KCNQ1OT1: variants seen among roughly 807,000 people sequenced by gnomAD.
KCNQ1OT1 encodes the protein KCNQ1 opposite strand/antisense transcript 1.
At chr11:2,686,431 C>T (rs1272971398) in exon 1 of KCNQ1OT1, 1 of 398,538 alleles carries the variant, frequency 2.5e-6, no homozygotes, top group African/African-American at 2.1e-5. Flanking sequence ...TGCCCAGAGC[C>T]CCTCCACTGC....
exon 1 of KCNQ1OT1, chr11:2,694,943 C>T: frequency 2.5e-6 from 1 of 398,654 alleles, no homozygotes; most frequent in Non-Finnish European, 4.4e-6. Flanking sequence ...GGCCTTGGGG[C>T]AGGAGGGATA....
At position 2,673,571 on chromosome 11, in the gene KCNQ1OT1, G is replaced by A; in HGVS notation, n.26424C>T. 2.5e-6 allele frequency: 1 copy of A among 398,750 alleles called. No individual in the cohort carries two copies. Among genetic ancestry groups the A allele is most frequent in the Non-Finnish European group, 4.4e-6 (1 of 226,146 alleles). The allele number at this position is 398,750 out of a possible 1,614,324, so 24.7% of individuals were successfully genotyped here. On this transcript the variant is annotated non_coding_transcript_exon_variant, in exon 1 of 1. Transcript: ENST00000597346. The surrounding 1 kb of genome is among the most constrained non-coding windows in gnomAD (Gnocchi z 4.5). ...CCCCTCCCTGGCCATGCAGGTGGAA[G>A]ACCCTATTACTTGGGCTAAAGAGAA...
exon 1 of KCNQ1OT1, chr11:2,660,668 C>T: frequency 2.5e-6 from 1 of 398,622 alleles, no homozygotes; most frequent in African/African-American, 2.1e-5. Flanking sequence ...CAGTTTTCAT[C>T]CATGCTTGAT....
At chr11:2,694,441 A>G (rs1171559530) in exon 1 of KCNQ1OT1, 2 of 398,540 alleles carry the variant, frequency 5.0e-6, no homozygotes, top group African/African-American at 4.1e-5. Context: ...AACATCTTAC[A>G]ATATAAATGA....
chr11:2,625,477 G>T, exon 1 of KCNQ1OT1: 1 of 398,250 alleles, frequency 2.5e-6, no homozygotes, highest in South Asian at 1.3e-4. Context: ...TTGTGGTTTT[G>T]ACTTGTATTT....
Position 2,665,113 on chromosome 11 carries a change from C to T in KCNQ1OT1, n.34882G>A, listed in dbSNP as rs961391673. ...GGAGATAAAGAGTGGCGTCGCTGCA[C>T]CCCAGCCTATAGGTGGGCCCTACTG... On this transcript the variant is annotated non_coding_transcript_exon_variant, in exon 1 of 1. Transcript: ENST00000597346. The T allele has an allele frequency of 4.0e-5, 16 of 398,422 alleles. No homozygotes were observed. Among genetic ancestry groups the T allele is most frequent in the Admixed American group, 4.0e-4 (9 of 22,710 alleles). 24.7% of individuals were successfully genotyped at this position (398,422 alleles called of 1,614,324 possible). A position where few individuals can be genotyped will look rare whatever the true frequency, so the allele number is the denominator to read the frequency against.
exon 1 of KCNQ1OT1, chr11:2,630,535 T>C (rs1415311676): frequency 7.5e-6 from 3 of 398,220 alleles, no homozygotes; most frequent in African/African-American, 2.1e-5. Flanking sequence ...TAATATTGCA[T>C]ATCCATTGAG....
Position 2,608,915 on chromosome 11 carries a change from C to A in KCNQ1OT1, n.91080G>T. On this transcript the variant is annotated non_coding_transcript_exon_variant, in exon 1 of 1. Coordinates refer to ENST00000597346, the Ensembl canonical transcript of KCNQ1OT1. This position sits in a 1 kb window ranked among gnomAD's most constrained non-coding sequence, Gnocchi z 4.6. The stretch of plus-strand genomic sequence containing the variant: ...TTCCTCCTCCCCCTCTTTCTTCCTC[C>A]CCTTCTTTTCTTCTCCCTCTCCCTC... 3 of 398,418 alleles carry A rather than the reference C, an allele frequency of 7.5e-6. No individual in the cohort carries two copies. The highest frequency in any genetic ancestry group is 1.3e-5 in the Non-Finnish European group (3 of 226,026). The allele number at this position is 398,418 out of a possible 1,614,324, so 24.7% of individuals were successfully genotyped here. A position where few individuals can be genotyped will look rare whatever the true frequency, so the allele number is the denominator to read the frequency against.
At chr11:2,616,802 A>C (rs1849072861) in exon 1 of KCNQ1OT1, 2 of 398,166 alleles carry the variant, frequency 5.0e-6, no homozygotes, top group Non-Finnish European at 4.4e-6. Context: ...TTTGTGGCCT[A>C]ACATATCATC....
At position 2,691,643 on chromosome 11, in the gene KCNQ1OT1, C is replaced by T. The variant is rs184619045; in HGVS notation, n.8352G>A. On this transcript the variant is annotated non_coding_transcript_exon_variant, in exon 1 of 1. Transcript: ENST00000597346. The surrounding 1 kb of genome is among the most constrained non-coding windows in gnomAD (Gnocchi z 6.4). ...CGTACTGTGGGGAGGTCCTCTTTAC[C>T]GCCACAGTTCCAAGGGTGAAACAGA... 872 of 398,524 alleles carry T rather than the reference C, an allele frequency of 2.2e-3. 4 individuals carry two copies. Among genetic ancestry groups the T allele is most frequent in the African/African-American group, 0.015 (747 of 48,712 alleles). 24.7% of individuals were successfully genotyped at this position (398,524 alleles called of 1,614,324 possible).
rs1412894810 is a variant in KCNQ1OT1, at chr11:2,687,901, T to C, written n.12094A>G. 4 of 398,536 alleles carry C rather than the reference T, an allele frequency of 1.0e-5. No individual in the cohort carries two copies. Among genetic ancestry groups the C allele is most frequent in the Non-Finnish European group, 1.8e-5 (4 of 226,102 alleles). 24.7% of individuals were successfully genotyped at this position (398,536 alleles called of 1,614,324 possible). ...GTGTCCCGCGGAAATCCTGGTGGGATGGAAAATCCCCAGCAGTTGTGAGGC... is the reference window on the plus strand; with the variant it reads ...GTGTCCCGCGGAAATCCTGGTGGGACGGAAAATCCCCAGCAGTTGTGAGGC... On this transcript the variant is annotated non_coding_transcript_exon_variant, in exon 1 of 1. Transcript: ENST00000597346. This position sits in a 1 kb window ranked among gnomAD's most constrained non-coding sequence, Gnocchi z 5.0.
chr11:2,681,768 G>A (rs1850402470), exon 1 of KCNQ1OT1: 2 of 398,442 alleles, frequency 5.0e-6, no homozygotes, highest in Non-Finnish European at 8.8e-6. Context: ...GGGGGCCCTG[G>A]GACCTGGGAG....
exon 1 of KCNQ1OT1, chr11:2,643,260 T>C (rs1032655138): frequency 7.5e-5 from 30 of 398,348 alleles, no homozygotes; most frequent in Middle Eastern, 1.3e-3. Flanking sequence ...AAATGGAGAA[T>C]TGAAGTTCCC....
Position 2,626,362 on chromosome 11 carries a change from G to A in KCNQ1OT1, n.73633C>T. On this transcript the variant is annotated non_coding_transcript_exon_variant, in exon 1 of 1. Coordinates refer to ENST00000597346, the Ensembl canonical transcript of KCNQ1OT1. This position sits in a 1 kb window ranked among gnomAD's most constrained non-coding sequence, Gnocchi z 4.0. The stretch of plus-strand genomic sequence containing the variant: ...AACTTCAGTTATCCTGGCACCATTT[G>A]TTGAAAATACAGCACTTTCCCTATT... The A allele has an allele frequency of 2.5e-6, 1 of 398,504 alleles. No homozygotes were observed. Among genetic ancestry groups the A allele is most frequent in the South Asian group, 1.3e-4 (1 of 7,846 alleles). The allele number at this position is 398,504 out of a possible 1,614,324, so 24.7% of individuals were successfully genotyped here.
exon 1 of KCNQ1OT1, chr11:2,650,759 G>A: frequency 7.5e-6 from 3 of 398,614 alleles, no homozygotes. Context: ...CTACCCACAG[G>A]CAATTTGAAG....
rs553619888 is a variant in KCNQ1OT1 at position 2,678,138 on chromosome 11, T to A, written n.21857A>T. On this transcript the variant is annotated non_coding_transcript_exon_variant, in exon 1 of 1. Transcript: ENST00000597346. This position sits in a 1 kb window ranked among gnomAD's most constrained non-coding sequence, Gnocchi z 4.9. ...TCATTGAAAATATTTTATCCTCATT[T>A]TCCTTAGGTGTTTTGGCTTTTTCTA... 7.5e-6 allele frequency: 3 copies of A among 398,312 alleles called. No homozygotes were observed. The South Asian group carries it at 3.8e-4, about 51-fold the overall frequency. The allele number at this position is 398,312 out of a possible 1,614,324, so 24.7% of individuals were successfully genotyped here.
rs1850239980 is a variant in KCNQ1OT1 at position 2,674,019 on chromosome 11, C to G, written n.25976G>C. 3 of 398,460 alleles carry G rather than the reference C, an allele frequency of 7.5e-6. No individual in the cohort carries two copies. The highest frequency in any genetic ancestry group is 8.8e-6 in the Non-Finnish European group (2 of 226,086). The allele number at this position is 398,460 out of a possible 1,614,324, so 24.7% of individuals were successfully genotyped here. On this transcript the variant is annotated non_coding_transcript_exon_variant, in exon 1 of 1. Transcript: ENST00000597346. This position sits in a 1 kb window ranked among gnomAD's most constrained non-coding sequence, Gnocchi z 5.9. ...GGAGGGCCCTCCGTGCTTTCTGGCT[C>G]TTTGGGCCTGGGGTGCAGCCCCTCA...
Position 2,663,420 on chromosome 11 carries a change from T to A in KCNQ1OT1, n.36575A>T. The A allele has an allele frequency of 2.5e-6, 1 of 398,834 alleles. No individual in the cohort carries two copies. Among genetic ancestry groups the A allele is most frequent in the Admixed American group, 4.4e-5 (1 of 22,750 alleles). 24.7% of individuals were successfully genotyped at this position (398,834 alleles called of 1,614,324 possible). On this transcript the variant is annotated non_coding_transcript_exon_variant, in exon 1 of 1. Transcript: ENST00000597346. The surrounding 1 kb of genome is among the most constrained non-coding windows in gnomAD (Gnocchi z 5.2). ...TGGCTTACACTGTGGCCAAGGCCTGTACCAAGTCCTGGATATGATGGACCT... is the reference window on the plus strand; with the variant it reads ...TGGCTTACACTGTGGCCAAGGCCTGAACCAAGTCCTGGATATGATGGACCT...
At position 2,674,993 on chromosome 11, in the gene KCNQ1OT1, T is replaced by A; in HGVS notation, n.25002A>T. 1 of 398,550 alleles carries A rather than the reference T, an allele frequency of 2.5e-6. No individual in the cohort carries two copies. Among genetic ancestry groups the A allele is most frequent in the South Asian group, 1.3e-4 (1 of 7,852 alleles). 24.7% of individuals were successfully genotyped at this position (398,550 alleles called of 1,614,324 possible). A position where few individuals can be genotyped will look rare whatever the true frequency, so the allele number is the denominator to read the frequency against. Reference sequence around the variant, plus strand: ...CGTTTCCTCTTACAGTGGCGGGCACTCAGCCGGCTTCTTCCCGCCTGACTT... The same window carrying A: ...CGTTTCCTCTTACAGTGGCGGGCACACAGCCGGCTTCTTCCCGCCTGACTT... On this transcript the variant is annotated non_coding_transcript_exon_variant, in exon 1 of 1. Transcript: ENST00000597346. This position sits in a 1 kb window ranked among gnomAD's most constrained non-coding sequence, Gnocchi z 5.9.
Sources: allele counts gnomAD v4.1 joint callset, GRCh38; gene constraint gnomAD v4.1.1; non-coding constraint Gnocchi (gnomAD v3.1); transcripts MANE v1.5; gene names NCBI Gene and HGNC (gene_info 2026-07-23, HGNC 2026-07-21).